The following CAPS2 variants were observed in gnomAD, a reference collection of about 807,000 sequenced individuals.
CAPS2 encodes the protein calcyphosin-2.
A neutral mutation model predicts 86.5 loss-of-function variants in CAPS2; 98 were observed. The ratio of observed to expected loss-of-function variants is 1.13; its 90% CI spans 0.96 to 1.34. The LOEUF (loss-of-function observed/expected upper bound fraction) is 1.34, where lower values mean the gene tolerates loss of function less well. CAPS2 is among the 40% of genes most tolerant of loss of function. The probability of loss-of-function intolerance (pLI) is 0.00; values close to 1 mark genes in which losing one functional copy is unlikely to be tolerated. For synonymous variants in CAPS2, 210 were observed against 225.1 expected (o/e 0.93, Z 0.60); for missense variants, 729 against 686.8 (o/e 1.06, Z -0.69).
At chr12:75,338,619 G>T in intron 1 of CAPS2, among the ~76,000 whole-genome samples, 1 of 151,786 alleles carries the variant, frequency 6.6e-6, no homozygotes. Context: ...AAGTTCTGGG[G>T]TACATGTGCA....
chr12:75,282,428 C>T (rs989956220), intron 15 of CAPS2, 81 bp from the exon 16 acceptor site: 7 of 898,164 alleles, frequency 7.8e-6, no homozygotes, highest in Non-Finnish European at 1.3e-5. Flanking sequence ...GCTCTGTCAC[C>T]CAGACTGGAG....
chr12:75,299,778 A>C (rs1403728814), intron 9 of CAPS2, 59 bp downstream of exon 9: 7 of 832,594 alleles, frequency 8.4e-6, no homozygotes, highest in Non-Finnish European at 1.4e-5. Context: ...ATTTCTATTC[A>C]AAAAGAGAAT....
At chr12:75,310,190 G>T (rs559830696) in intron 7 of CAPS2, among the ~76,000 whole-genome samples, 2 of 152,158 alleles carry the variant, frequency 1.3e-5, no homozygotes, top group East Asian at 3.9e-4. Context: ...GATAAACAGA[G>T]AAAATACAAC....
chr12:75,300,025 C>A (rs1387537560), intron 8 of CAPS2, 114 bp from the exon 9 acceptor site: 2 of 448,890 alleles, frequency 4.5e-6, no homozygotes, highest in South Asian at 5.9e-5. Flanking sequence ...GATTGGATAA[C>A]AATAAAGGTA....
intron 1 of CAPS2, 81 bp downstream of exon 2, chr12:75,326,337 T>C (rs948874366): frequency 4.6e-5 from 26 of 560,942 alleles, no homozygotes; most frequent in Middle Eastern, 3.0e-4. Flanking sequence ...TGAATATAAG[T>C]AGTCATAAAA....
chr12:75,331,462 G>T (rs2041296720), upstream of CAPS2, among the ~76,000 whole-genome samples: 1 of 152,038 alleles, frequency 6.6e-6, no homozygotes, highest in Admixed American at 6.5e-5. Context: ...GTATTTTTCT[G>T]CTGCACTCCA....
chr12:75,315,094 A>G (rs183715351), intron 6 of CAPS2, among the ~76,000 whole-genome samples: 52 of 152,330 alleles, frequency 3.4e-4, no homozygotes, highest in African/African-American at 1.1e-3. Context: ...ACGTTTCCTT[A>G]GGGGAAGGAG....
chr12:75,364,976 G>C (rs1216061020), intron 1 of CAPS2: 1 of 152,138 alleles, frequency 6.6e-6, no homozygotes, highest in East Asian at 1.9e-4. Context: ...CCACATAACA[G>C]CTCAGAAGGC....
At chr12:75,317,889 A>G (rs1039019278) in intron 5 of CAPS2, among the ~76,000 whole-genome samples, 3 of 152,140 alleles carry the variant, frequency 2.0e-5, no homozygotes, top group Non-Finnish European at 4.4e-5. Context: ...GAAAAAAAAT[A>G]CAGTACAGTA....
chr12:75,347,861 G>T, intron 1 of CAPS2: 1 of 384,522 alleles, frequency 2.6e-6, no homozygotes, highest in East Asian at 4.1e-5. Flanking sequence ...AATGAGATAG[G>T]TGAAAATAGA....
At chr12:75,291,160 A>G (rs2035788511) in intron 13 of CAPS2, among the ~76,000 whole-genome samples, 1 of 151,850 alleles carries the variant, frequency 6.6e-6, no homozygotes. Context: ...TCCCTATTTT[A>G]GAGATGAAGA....
chr12:75,282,601 G>A (rs1046508204), intron 15 of CAPS2, among the ~76,000 whole-genome samples: 1 of 152,110 alleles, frequency 6.6e-6, no homozygotes, highest in Admixed American at 6.6e-5. Flanking sequence ...TGGTCAGGCT[G>A]ATCTCAAATT....
intron 7 of CAPS2, chr12:75,305,550 C>T: frequency 1.6e-6 from 1 of 625,776 alleles, no homozygotes; most frequent in South Asian, 1.4e-5. Context: ...TTCCTCCGTC[C>T]GCGACCCTGG....
intron 1 of CAPS2, among the ~76,000 whole-genome samples, chr12:75,375,842 GC>G (rs1175481252): frequency 3.3e-5 from 5 of 152,110 alleles, no homozygotes; most frequent in African/African-American, 9.7e-5. Flanking sequence ...CCACTACTTG[GC>G]CCCTGCCACC....
chr12:75,366,756 T>C, intron 1 of CAPS2: 1 of 635,332 alleles, frequency 1.6e-6, no homozygotes, highest in Non-Finnish European at 2.8e-6. Flanking sequence ...CAATGAGTCA[T>C]TTCCACGCTC....
chr12:75,323,048 G>A, exon 4 of CAPS2: 1 of 1,550,594 alleles, frequency 6.4e-7, no homozygotes, highest in South Asian at 1.2e-5. Flanking sequence ...GATGAATTTG[G>A]CAGGTTTGCT....
intron 1 of CAPS2, among the ~76,000 whole-genome samples, chr12:75,335,442 T>G (rs2139222273): frequency 6.6e-6 from 1 of 152,344 alleles, no homozygotes; most frequent in South Asian, 2.1e-4. Flanking sequence ...TTACAAAATT[T>G]TAAATACTTG....
In CAPS2 at chr12:75,289,167, A is replaced by C. The variant is rs145615398; in HGVS notation, c.1395+454T>G. Among the ~76,000 whole-genome samples the C allele has an allele frequency of 4.5e-3, 677 of 151,938 alleles. 5 individuals are homozygous for C. Among genetic ancestry groups the C allele is most frequent in the African/African-American group, 0.011 (461 of 41,466 alleles). The stretch of plus-strand genomic sequence containing the variant: ...ATAAAATACACATTGTCTGATTCAC[A>C]CTCCTTTTTCTCCCTCGTCTGGTTA... On this transcript the variant is annotated intron_variant, in intron 14 of 16. Transcript: ENST00000393284.
chr12:75,320,225 TA>T (rs879526778), intron 5 of CAPS2, among the ~76,000 whole-genome samples: 16 of 151,994 alleles, frequency 1.1e-4, no homozygotes, highest in Middle Eastern at 3.2e-3. Context: ...AAACCAAAAG[TA>T]AAAAAAGTCC....
Sources: gnomAD v4.1 joint callset for allele counts (sites outside exome capture counted in the v4.1 genomes callset) on GRCh38, gnomAD v4.1.1 for gene constraint, MANE v1.5 for transcripts, NCBI Gene and HGNC (gene_info 2026-07-23, HGNC 2026-07-21) for gene names.